EFCAB7: variants seen among roughly 807,000 people sequenced by gnomAD.
The protein encoded by EFCAB7 is EF-hand calcium-binding domain-containing protein 7.
In EFCAB7, 66 loss-of-function variants were observed where a neutral mutation model predicts 77.1. That is an observed-to-expected ratio of 0.86 (90% CI 0.70 to 1.05). The LOEUF (loss-of-function observed/expected upper bound fraction) is 1.05. Among genes scored for constraint, EFCAB7 ranks in the 50% least tolerant of loss-of-function variants. The pLI, the probability that EFCAB7 is intolerant of heterozygous loss-of-function variation, is 0.00. For missense variants in EFCAB7, 638 were observed against 730.5 expected, an observed-to-expected ratio of 0.87 and a Z score of 1.46; for synonymous variants, 225 against 243.3, an observed-to-expected ratio of 0.92 and a Z score of 0.70.
downstream of EFCAB7, among the ~76,000 whole-genome samples, chr1:63,574,448 G>T (rs1647354168): frequency 2.0e-5 from 3 of 152,156 alleles, no homozygotes; most frequent in Admixed American, 2.0e-4. Flanking sequence ...GAGGGAGTAG[G>T]TGGGAGTAGC....
chr1:63,525,199 C>T (rs1342507762), intron 1 of EFCAB7, among the ~76,000 whole-genome samples: 1 of 152,094 alleles, frequency 6.6e-6, no homozygotes, highest in East Asian at 1.9e-4. Context: ...TGTCATCTGA[C>T]TTTCGTATTT....
downstream of EFCAB7, among the ~76,000 whole-genome samples, chr1:63,575,652 C>T (rs555687150): frequency 2.1e-3 from 326 of 152,214 alleles, no homozygotes; most frequent in African/African-American, 7.6e-3. Context: ...GTGGTGCTCT[C>T]AGCTCACTGC....
Position 63,546,120 on chromosome 1 carries a change from T to C in EFCAB7, c.946+63T>C, listed in dbSNP as rs933930230. ...TTTGTACCCTCCTTGAAAGTACTTA[T>C]GTAAGTATTCCATAGTCCTAGTTAG... is the stretch of plus-strand genomic sequence containing the variant. On this transcript the variant is annotated intron_variant, in intron 7 of 13. Transcript: ENST00000371088. The C allele has an allele frequency of 3.5e-5, 53 of 1,531,420 alleles. No homozygotes were observed. The African/African-American group carries it at 6.0e-4, about 17-fold the overall frequency. 94.9% of individuals were successfully genotyped at this position (1,531,420 alleles called of 1,614,324 possible). A position where few individuals can be genotyped will look rare whatever the true frequency, so the allele number is the denominator to read the frequency against.
chr1:63,556,534 G>A (rs1169156414), intron 9 of EFCAB7, among the ~76,000 whole-genome samples: 10 of 152,038 alleles, frequency 6.6e-5, no homozygotes, highest in Non-Finnish European at 7.4e-5. Flanking sequence ...AAGTAGATTG[G>A]AGAAAGGAAA....
chr1:63,569,709 G>A, intron 12 of EFCAB7: 1 of 152,236 alleles, frequency 6.6e-6, no homozygotes, highest in East Asian at 1.9e-4. Flanking sequence ...ATAACATACA[G>A]AATGGATCCA....
chr1:63,565,252 G>C (rs946942946), intron 11 of EFCAB7, among the ~76,000 whole-genome samples: 2 of 151,984 alleles, frequency 1.3e-5, no homozygotes, highest in African/African-American at 4.8e-5. Context: ...CCAGCTACTC[G>C]GGAGGCTGAG....
chr1:63,553,662 C>T (rs964273758), intron 8 of EFCAB7, among the ~76,000 whole-genome samples: 6 of 152,164 alleles, frequency 3.9e-5, no homozygotes, highest in Admixed American at 6.5e-5. Context: ...AAATGACTTT[C>T]GGTTATATTG....
intron 6 of EFCAB7, among the ~76,000 whole-genome samples, chr1:63,541,679 C>T (rs1008484385): frequency 6.6e-6 from 1 of 152,090 alleles, no homozygotes; most frequent in African/African-American, 2.4e-5. Context: ...ATTCTCCTAC[C>T]TCAGCCTCCT....
chr1:63,555,224 AT>A, intron 8 of EFCAB7, 133 bp from the exon 9 acceptor site: 1 of 1,025,070 alleles, frequency 9.8e-7, no homozygotes, highest in South Asian at 2.0e-5. Context: ...TGATAGGACT[AT>A]AATAGAATTT....
chr1:63,534,159 T>A lies in EFCAB7; in HGVS notation c.747T>A (p.Val249=). The A allele has an allele frequency of 6.2e-7, 1 of 1,613,418 alleles. No homozygotes were observed. Among genetic ancestry groups the A allele is most frequent in the Non-Finnish European group, 8.5e-7 (1 of 1,179,542 alleles). Residue 249 remains valine, a synonymous_variant, in exon 6 of 14, where the codon GTT becomes GTA. Transcript: ENST00000371088. ...TCAAAACATCTGTTTCCTTCACAGTTACCATGGGGGCTAATGGTAACCGAA... is the reference window on the plus strand; with the variant it reads ...TCAAAACATCTGTTTCCTTCACAGTAACCATGGGGGCTAATGGTAACCGAA... ...RKFKTSVSFT[V]TMGANGNRNS...
At chr1:63,575,758 A>G (rs1035991650), downstream of EFCAB7, among the ~76,000 whole-genome samples, 19 of 148,022 alleles carry the variant, frequency 1.3e-4, no homozygotes, top group Admixed American at 5.4e-4. Flanking sequence ...TCGTTTTCAT[A>G]TTTTTTTTTT....
At chr1:63,562,319 CA>C (rs1647111405) in intron 11 of EFCAB7, among the ~76,000 whole-genome samples, 2 of 150,920 alleles carry the variant, frequency 1.3e-5, no homozygotes, top group African/African-American at 4.9e-5. Flanking sequence ...CTGGCTCATA[CA>C]AAGCATTGTG....
chr1:63,530,136 C>T (rs1030055669), intron 2 of EFCAB7, among the ~76,000 whole-genome samples: 1 of 152,214 alleles, frequency 6.6e-6, no homozygotes, highest in Middle Eastern at 3.2e-3. Context: ...TTCAATATAA[C>T]TGACTCACTT....
In EFCAB7 at chr1:63,533,535, C is replaced by T. The variant is rs750941504; in HGVS notation, c.568C>T (p.Arg190Cys). 1.1e-5 allele frequency: 18 copies of T among 1,612,802 alleles called. No individual in the cohort carries two copies. The highest frequency in any genetic ancestry group is 1.1e-4 in the East Asian group (5 of 44,850). Residue 190 changes from arginine to cysteine, a missense_variant, in exon 5 of 14, where the codon CGT becomes TGT. Coordinates refer to ENST00000371088, the MANE Select transcript of EFCAB7 (RefSeq NM_032437.4). The part of the protein sequence containing the change: ...EKLEVDSKLM[R>C]HQFGNHIEGS... ...ACTAGAGGTTGACAGTAAATTGATGCGTCACCAGTTTGGAAACCACATCGA... is the reference window on the plus strand; with the variant it reads ...ACTAGAGGTTGACAGTAAATTGATGTGTCACCAGTTTGGAAACCACATCGA...
chr1:63,531,490 T>G (rs1266596468), intron 2 of EFCAB7, among the ~76,000 whole-genome samples: 1 of 152,180 alleles, frequency 6.6e-6, no homozygotes, highest in Non-Finnish European at 1.5e-5. Context: ...ATCTTGTATT[T>G]CCTTTAGAAG....
At chr1:63,540,843 A>G (rs1646820756) in intron 6 of EFCAB7, among the ~76,000 whole-genome samples, 1 of 139,656 alleles carries the variant, frequency 7.2e-6, no homozygotes, top group Admixed American at 7.7e-5. Context: ...TATAATGATA[A>G]AATCTTAAAA....
downstream of EFCAB7, among the ~76,000 whole-genome samples, chr1:63,577,437 G>A (rs1012742869): frequency 1.3e-5 from 2 of 152,036 alleles, no homozygotes; most frequent in African/African-American, 2.4e-5. Context: ...AAATGAAATC[G>A]TTCCAGAATG....
chr1:63,557,692 G>A (rs12136711), intron 10 of EFCAB7, among the ~76,000 whole-genome samples: 2,232 of 152,284 alleles, frequency 0.015, 19 homozygotes, highest in Non-Finnish European at 0.022. Flanking sequence ...TCGTATTTGA[G>A]TTGAATTTAA....
intron 1 of EFCAB7, among the ~76,000 whole-genome samples, chr1:63,525,332 T>A (rs550455467): frequency 7.0e-4 from 107 of 152,284 alleles, no homozygotes; most frequent in African/African-American, 2.5e-3. Context: ...TATCTAAAAT[T>A]AGAAATTAAC....
Sources: allele counts gnomAD v4.1 joint callset (sites outside exome capture counted in the v4.1 genomes callset), GRCh38; gene constraint gnomAD v4.1.1; transcripts MANE v1.5; gene names NCBI Gene and HGNC (gene_info 2026-07-23, HGNC 2026-07-21).